ODAD2: variants seen among roughly 807,000 people sequenced by gnomAD.
The protein encoded by ODAD2 is outer dynein arm docking complex subunit 2, also known as outer dynein arm-docking complex subunit 2.
Under a neutral mutation model 106.8 loss-of-function variants are expected in ODAD2, and 89 were observed. The observed-to-expected ratio is 0.83, with a 90% CI of 0.70 to 0.99. The LOEUF is 0.99. Ranked by LOEUF, ODAD2 falls within the 50% of genes least tolerant of loss-of-function variation. The probability of loss-of-function intolerance (pLI) is 0.00; values close to 1 mark genes in which losing one functional copy is unlikely to be tolerated. For synonymous variants in ODAD2, 404 were observed against 436.2 expected (o/e 0.93, Z 0.92); for missense variants, 1,168 against 1,238.5 (o/e 0.94, Z 0.85).
chr10:27,915,972 AC>A (rs1844341910), intron 16 of ODAD2, among the ~76,000 whole-genome samples: 1 of 152,176 alleles, frequency 6.6e-6, no homozygotes, highest in Non-Finnish European at 1.5e-5. Flanking sequence ...GTGTTAGAGC[AC>A]AAGAAGGATG....
chr10:27,986,639 C>T (rs1422864246), intron 3 of ODAD2, among the ~76,000 whole-genome samples: 1 of 152,146 alleles, frequency 6.6e-6, no homozygotes. Flanking sequence ...ATTCAAATAC[C>T]TTGTGCCAGA....
intron 2 of ODAD2, among the ~76,000 whole-genome samples, chr10:27,994,290 C>T (rs1473266003): frequency 3.3e-5 from 5 of 151,926 alleles, no homozygotes; most frequent in South Asian, 2.1e-4. Context: ...CACCCCTCCC[C>T]GCCGCCTCCT....
At chr10:27,901,418 T>C (rs989264589) in intron 17 of ODAD2, among the ~76,000 whole-genome samples, 1 of 152,080 alleles carries the variant, frequency 6.6e-6, no homozygotes, top group African/African-American at 2.4e-5. Context: ...ATGGGCAAAA[T>C]AACCAGCTAG....
At chr10:27,888,867 G>C (rs922008700) in intron 17 of ODAD2, among the ~76,000 whole-genome samples, 4 of 152,120 alleles carry the variant, frequency 2.6e-5, no homozygotes, top group African/African-American at 9.7e-5. Flanking sequence ...ACATGCAAAA[G>C]ATTACATTTG....
In ODAD2 at chr10:27,872,169, G is replaced by C. The variant is rs1840950186; in HGVS notation, c.2611-9547C>G. Among the ~76,000 whole-genome samples, 3 of 151,834 alleles carry C rather than the reference G, an allele frequency of 2.0e-5. No individual in the cohort carries two copies. The South Asian group carries it at 6.3e-4, about 32-fold the overall frequency. ...TTGGCTCTCTGTTTGTCTGTTATTG[G>C]TGTATAAGAATGCTTGTGATTTCTG... On this transcript the variant is annotated intron_variant, in intron 17 of 19. Coordinates refer to ENST00000305242, the MANE Select transcript of ODAD2 (RefSeq NM_018076.5).
intron 17 of ODAD2, among the ~76,000 whole-genome samples, chr10:27,864,529 G>T (rs891088572): frequency 4.0e-5 from 6 of 149,120 alleles, no homozygotes; most frequent in Non-Finnish European, 7.4e-5. Flanking sequence ...TGAGAGCGGG[G>T]AGTGAGGTGA....
At chr10:27,924,894 T>C (rs1424792847) in intron 16 of ODAD2, among the ~76,000 whole-genome samples, 1 of 151,068 alleles carries the variant, frequency 6.6e-6, no homozygotes, top group African/African-American at 2.4e-5. Flanking sequence ...TTTAAAAAAC[T>C]GTAGGTCCAT....
chr10:27,942,996 T>C (rs11592848), intron 12 of ODAD2, among the ~76,000 whole-genome samples: 57,163 of 151,974 alleles, frequency 0.38, 12,088 homozygotes, highest in Middle Eastern at 0.59. Context: ...AACAGGTATT[T>C]ATTAACCGTT....
intron 7 of ODAD2, among the ~76,000 whole-genome samples, chr10:27,979,347 CAA>C (rs1363402852): frequency 6.6e-6 from 1 of 150,490 alleles, no homozygotes; most frequent in South Asian, 2.1e-4. Context: ...AAAGAAATTG[CAA>C]AAGAGTCTAA....
chr10:27,856,826 G>T (rs1384487125), intron 19 of ODAD2, among the ~76,000 whole-genome samples: 1 of 152,182 alleles, frequency 6.6e-6, no homozygotes, highest in Non-Finnish European at 1.5e-5. Context: ...AATTAGTCGG[G>T]CATCATGGCG....
intron 19 of ODAD2, among the ~76,000 whole-genome samples, chr10:27,852,189 G>A (rs57807028): frequency 1.3e-5 from 2 of 152,268 alleles, no homozygotes; most frequent in African/African-American, 4.8e-5. Flanking sequence ...AGTCTTCTAG[G>A]CAGAAGGAAA....
At chr10:27,963,011 C>CTT (rs375508125) in intron 9 of ODAD2, among the ~76,000 whole-genome samples, 3 of 142,258 alleles carry the variant, frequency 2.1e-5, no homozygotes, top group Non-Finnish European at 1.6e-5. Flanking sequence ...GCCCTGTGTA[C>CTT]TTTTTTTTTT....
At chr10:27,895,897 T>C (rs1442219996) in intron 17 of ODAD2, among the ~76,000 whole-genome samples, 3 of 152,224 alleles carry the variant, frequency 2.0e-5, no homozygotes, top group South Asian at 4.1e-4. Flanking sequence ...TGATTTGTTG[T>C]AGAAGGACGC....
At chr10:27,824,235 A>T (rs568008849) in intron 19 of ODAD2, among the ~76,000 whole-genome samples, 1 of 152,248 alleles carries the variant, frequency 6.6e-6, no homozygotes, top group East Asian at 1.9e-4. Flanking sequence ...GGAGAACATC[A>T]AATCCTGCTA....
chr10:27,954,362 T>A (rs1173290189), intron 10 of ODAD2, among the ~76,000 whole-genome samples: 1 of 152,230 alleles, frequency 6.6e-6, no homozygotes, highest in East Asian at 1.9e-4. Flanking sequence ...CCCGAAAAGA[T>A]CTACTACATA....
At chr10:27,967,693 C>T (rs1399712946) in intron 9 of ODAD2, among the ~76,000 whole-genome samples, 5 of 152,062 alleles carry the variant, frequency 3.3e-5, no homozygotes, top group Admixed American at 3.3e-4. Flanking sequence ...GAGTTCAAGA[C>T]CAGCCTGGCC....
At chr10:27,914,392 A>G (rs983494219) in intron 16 of ODAD2, among the ~76,000 whole-genome samples, 1 of 152,120 alleles carries the variant, frequency 6.6e-6, no homozygotes, top group Non-Finnish European at 1.5e-5. Context: ...TCCAACAATC[A>G]TTCCCTATTT....
At chr10:27,910,688 T>C (rs918572759) in intron 16 of ODAD2, among the ~76,000 whole-genome samples, 1 of 152,006 alleles carries the variant, frequency 6.6e-6, no homozygotes, top group African/African-American at 2.4e-5. Context: ...GCCCAGGAAG[T>C]GGAAGTTGCA....
At chr10:27,944,058 T>C (rs1474131733) in intron 12 of ODAD2, among the ~76,000 whole-genome samples, 164 bp downstream of exon 12, 1 of 152,024 alleles carries the variant, frequency 6.6e-6, no homozygotes, top group African/African-American at 2.4e-5. Flanking sequence ...CTCACTAATA[T>C]AAATATGCAA....
Sources: allele counts gnomAD v4.1 joint callset (sites outside exome capture counted in the v4.1 genomes callset), GRCh38; gene constraint gnomAD v4.1.1; transcripts MANE v1.5; gene names NCBI Gene and HGNC (gene_info 2026-07-23, HGNC 2026-07-21).